The following PATJ variants were observed in gnomAD, a reference collection of about 807,000 sequenced individuals.
The protein encoded by PATJ is inaD-like protein.
A neutral mutation model predicts 224.9 loss-of-function variants in PATJ; 190 were observed. The observed-to-expected ratio is 0.84, with a 90% confidence interval of 0.75 to 0.95. The LOEUF is 0.95. Ranked by LOEUF, PATJ falls within the 40% of genes least tolerant of loss-of-function variation. PATJ has a pLI of 0.00. For missense variants in PATJ, 2,121 were observed against 2,270.3 expected (o/e 0.93, Z 1.34); for synonymous variants, 769 against 820.3 (o/e 0.94, Z 1.07).
intron 27 of PATJ, among the ~76,000 whole-genome samples, chr1:61,937,221 C>T (rs1469447717): frequency 6.6e-6 from 1 of 150,532 alleles, no homozygotes; most frequent in Non-Finnish European, 1.5e-5. Flanking sequence ...CACTGGTTAA[C>T]AATCCCCATA....
chr1:62,130,852 A>G (rs1666190442), intron 41 of PATJ, among the ~76,000 whole-genome samples: 1 of 152,182 alleles, frequency 6.6e-6, no homozygotes, highest in African/African-American at 2.4e-5. Context: ...CTCCGTCTCA[A>G]AAGAAAAAAA....
chr1:62,106,656 T>C (rs1663087845), intron 33 of PATJ, among the ~76,000 whole-genome samples: 1 of 152,128 alleles, frequency 6.6e-6, no homozygotes, highest in Non-Finnish European at 1.5e-5. Flanking sequence ...CTCAGCCATT[T>C]TGGTGGCTCG....
chr1:62,106,063 A>ATATATATATAT (rs1553268231), intron 33 of PATJ, among the ~76,000 whole-genome samples: 1 of 39,640 alleles, frequency 2.5e-5, no homozygotes, highest in African/African-American at 9.9e-5. Context: ...AAAAAAAAAA[A>ATATATATATAT]ATATATATAT....
At chr1:61,746,521 C>G (rs1024392511) in intron 1 of PATJ, among the ~76,000 whole-genome samples, 19 of 152,122 alleles carry the variant, frequency 1.2e-4, no homozygotes, top group Non-Finnish European at 2.9e-5. Flanking sequence ...ACTTAAAGCA[C>G]CCCAACAGTA....
intron 8 of PATJ, among the ~76,000 whole-genome samples, chr1:61,789,817 A>G (rs1038010533): frequency 6.6e-6 from 1 of 152,076 alleles, no homozygotes; most frequent in Non-Finnish European, 1.5e-5. Flanking sequence ...GTCTCAAAAA[A>G]ATAAAAAGTT....
In PATJ at chr1:61,908,469, C is replaced by T; in HGVS notation, c.3479C>T (p.Ser1160Leu). 6.2e-7 allele frequency: 1 copy of T among 1,609,576 alleles called. No individual in the cohort carries two copies. Among genetic ancestry groups the T allele is most frequent in the Non-Finnish European group, 8.5e-7 (1 of 1,175,920 alleles). The change falls in exon 25 of 44, where the codon TCA (serine) becomes TTA (leucine). Residue 1160 changes from serine (S) to leucine (L), a missense_variant. Physicochemically the swap from Ser to Leu is moderately radical, Grantham distance 145. Transcript: ENST00000642238. ...NPVVFIVQSL[S>L]STPRVIPNVH... Reference sequence around the variant, plus strand: ...GTGGTGTTCATTGTTCAGAGTTTGTCATCCACTCCACGAGTAAGTTTTAGT... The same window carrying T: ...GTGGTGTTCATTGTTCAGAGTTTGTTATCCACTCCACGAGTAAGTTTTAGT...
rs185355890 is a variant in PATJ at position 61,755,854 on chromosome 1, C to T, written c.-35-7004C>T. ...GGAGTTTCTGTTGCCCAGGCTGGAG[C>T]GCAGTGGCATGATCTCGGCTCACCG... On this transcript the variant is annotated intron_variant, in intron 1 of 43. Coordinates refer to ENST00000642238, the MANE Select transcript of PATJ (RefSeq NM_001350145.3). Among the ~76,000 whole-genome samples the T allele has an allele frequency of 2.4e-3, 363 of 152,082 alleles. 5 individuals are homozygous for T. The highest frequency in any genetic ancestry group is 8.4e-3 in the African/African-American group (347 of 41,508).
intron 25 of PATJ, among the ~76,000 whole-genome samples, chr1:61,914,200 A>C (rs1340879409): frequency 1.3e-5 from 2 of 152,236 alleles, no homozygotes; most frequent in Non-Finnish European, 2.9e-5. Context: ...TCACGCCTGT[A>C]ATCCCAGCAC....
chr1:61,889,396 A>G (rs943514671), intron 22 of PATJ, among the ~76,000 whole-genome samples: 2 of 152,144 alleles, frequency 1.3e-5, no homozygotes, highest in African/African-American at 4.8e-5. Context: ...AATTCTGTGG[A>G]AGGAATTCAG....
At chr1:62,038,978 T>C in intron 30 of PATJ, 4 of 1,373,994 alleles carry the variant, frequency 2.9e-6, no homozygotes, top group Non-Finnish European at 4.1e-6. Context: ...ATATCTGTTC[T>C]AGCCCAACAA....
intron 33 of PATJ, among the ~76,000 whole-genome samples, chr1:62,107,906 A>G (rs1663302868): frequency 6.6e-6 from 1 of 152,150 alleles, no homozygotes; most frequent in African/African-American, 2.4e-5. Context: ...CAGAGTCAGG[A>G]TTTGAACCCA....
chr1:62,129,734 A>G (rs1186097976), intron 41 of PATJ, among the ~76,000 whole-genome samples: 2 of 152,172 alleles, frequency 1.3e-5, no homozygotes, highest in African/African-American at 4.8e-5. Context: ...TGAGGTCAGG[A>G]GTTCGAGACC....
chr1:61,841,309 T>A (rs1661045935), intron 17 of PATJ, among the ~76,000 whole-genome samples: 1 of 152,208 alleles, frequency 6.6e-6, no homozygotes, highest in Non-Finnish European at 1.5e-5. Context: ...TAAATGCTAA[T>A]ATCAGTATAT....
At chr1:61,785,463 C>CT (rs1648305414) in intron 7 of PATJ, among the ~76,000 whole-genome samples, 1 of 152,124 alleles carries the variant, frequency 6.6e-6, no homozygotes. Context: ...TTGGTTCAAC[C>CT]TTTTTATCAG....
intron 33 of PATJ, among the ~76,000 whole-genome samples, chr1:62,098,170 T>C (rs974856079): frequency 1.3e-5 from 2 of 151,870 alleles, no homozygotes; most frequent in African/African-American, 4.8e-5. Context: ...CCATCCTGGC[T>C]AACATGGTGA....
chr1:61,951,144 G>A (rs1210637538), intron 27 of PATJ, among the ~76,000 whole-genome samples: 2 of 149,786 alleles, frequency 1.3e-5, no homozygotes, highest in Non-Finnish European at 3.0e-5. Flanking sequence ...TCTAAAAAGC[G>A]CACCTCTGCA....
At chr1:61,933,770 C>CT (rs1308434597) in intron 27 of PATJ, among the ~76,000 whole-genome samples, 1 of 152,124 alleles carries the variant, frequency 6.6e-6, no homozygotes, top group African/African-American at 2.4e-5. Flanking sequence ...CAAGGCTGAC[C>CT]TTTTACCTTC....
chr1:62,120,845 A>G (rs1406447926), intron 37 of PATJ: 1 of 229,924 alleles, frequency 4.3e-6, no homozygotes, highest in African/African-American at 2.3e-5. Context: ...AGCTGACTAT[A>G]TATACATAAA....
At chr1:61,986,445 G>A (rs995978082) in intron 27 of PATJ, among the ~76,000 whole-genome samples, 2 of 151,854 alleles carry the variant, frequency 1.3e-5, no homozygotes, top group Non-Finnish European at 2.9e-5. Context: ...TTAGAGATGG[G>A]GGTCTTCCTC....
Sources: allele counts gnomAD v4.1 joint callset (sites outside exome capture counted in the v4.1 genomes callset), GRCh38; gene constraint gnomAD v4.1.1; transcripts MANE v1.5; gene names NCBI Gene and HGNC (gene_info 2026-07-23, HGNC 2026-07-21).